The following LTBP1 variants were observed in gnomAD, a reference collection of about 807,000 sequenced individuals.
LTBP1 encodes latent transforming growth factor beta binding protein 1, also known as latent-transforming growth factor beta-binding protein 1.
Under a neutral mutation model 207.6 loss-of-function variants are expected in LTBP1, and 129 were observed. The observed-to-expected ratio is 0.62, with a 90% CI of 0.54 to 0.72. The LOEUF is 0.72. LTBP1 is among the 30% of genes least tolerant of loss of function. The pLI, the probability that LTBP1 is intolerant of heterozygous loss-of-function variation, is 0.00. For synonymous variants in LTBP1, 963 were observed against 833.7 expected, an observed-to-expected ratio of 1.16 and a Z score of -2.67; for missense variants, 2,281 against 2,217.2, an observed-to-expected ratio of 1.03 and a Z score of -0.58.
intron 3 of LTBP1, among the ~76,000 whole-genome samples, chr2:33,023,527 G>A (rs1217680408): frequency 6.6e-6 from 1 of 152,158 alleles, no homozygotes; most frequent in Non-Finnish European, 1.5e-5. Context: ...GAATGAAGAT[G>A]CTTTTTTATG....
intron 5 of LTBP1, among the ~76,000 whole-genome samples, chr2:33,138,242 T>C (rs1025210369): frequency 2.0e-5 from 3 of 152,178 alleles, no homozygotes; most frequent in Non-Finnish European, 4.4e-5. Flanking sequence ...CAGTCTCTGT[T>C]CTTGAGTATT....
At position 33,112,478 on chromosome 2, in the gene LTBP1, A is replaced by G. The variant is rs140810374; in HGVS notation, c.1033+1727A>G. ...AGGAGCTAGTAAAAGAATGTAGACTAATATACATTATCACAGTGGTGGTGT... is the reference window on the plus strand; with the variant it reads ...AGGAGCTAGTAAAAGAATGTAGACTGATATACATTATCACAGTGGTGGTGT... On this transcript the variant is annotated intron_variant, in intron 4 of 33. Transcript: ENST00000404816. Among the ~76,000 whole-genome samples, 6 of 152,338 alleles carry G rather than the reference A, an allele frequency of 3.9e-5. No individual in the cohort carries two copies. The East Asian group carries it at 1.2e-3, about 29-fold the overall frequency.
intron 3 of LTBP1, among the ~76,000 whole-genome samples, chr2:33,045,081 A>G (rs372545842): frequency 5.3e-5 from 8 of 151,870 alleles, no homozygotes; most frequent in Admixed American, 4.6e-4. Flanking sequence ...CACTCTGATG[A>G]TAGTTTCTTT....
At chr2:33,186,783 G>T in intron 5 of LTBP1, 73 bp from the exon 6 acceptor site, 1 of 1,169,572 alleles carries the variant, frequency 8.6e-7, no homozygotes. Flanking sequence ...TGTTTTGCAG[G>T]TTTTGTTGGT....
chr2:33,294,634 A>G (rs2093839527), intron 20 of LTBP1, among the ~76,000 whole-genome samples: 1 of 134,076 alleles, frequency 7.5e-6, no homozygotes, highest in Non-Finnish European at 1.6e-5. Context: ...GCTAGAGTGC[A>G]GTAGTACGAT....
Position 33,257,434 on chromosome 2 carries a change from C to G in LTBP1, c.2318C>G (p.Pro773Arg), listed in dbSNP as rs1382111680. Reference sequence around the variant, plus strand: ...GTTGCTAAAAGTACTCATCCTCCACCTCTCCCAGCCAAGGAAGAGCCAGTG... The same window carrying G: ...GTTGCTAAAAGTACTCATCCTCCACGTCTCCCAGCCAAGGAAGAGCCAGTG... Reference protein sequence around the residue: ...QPVAKSTHPPPLPAKEEPVEA... With the variant: ...QPVAKSTHPPRLPAKEEPVEA... Residue 773 changes from proline to arginine, a missense_variant, in exon 12 of 34, where the codon CCT becomes CGT. By Grantham distance (103) the Pro-to-Arg change is moderately radical. Coordinates refer to ENST00000404816, the MANE Select transcript of LTBP1 (RefSeq NM_206943.4). 1 of 1,614,250 alleles carries G rather than the reference C, an allele frequency of 6.2e-7. No individual in the cohort carries two copies. Among genetic ancestry groups the G allele is most frequent in the East Asian group, 2.2e-5 (1 of 44,888 alleles).
At chr2:33,279,408 G>A (rs1235952205) in intron 18 of LTBP1, among the ~76,000 whole-genome samples, 3 of 152,060 alleles carry the variant, frequency 2.0e-5, no homozygotes, top group African/African-American at 7.2e-5. Context: ...CTATGAATAT[G>A]AAAAGTAAGG....
chr2:33,282,551 G>T lies in LTBP1; in HGVS notation c.3112+2393G>T, dbSNP rs116036649. On this transcript the variant is annotated intron_variant, in intron 19 of 33. Coordinates refer to ENST00000404816, the MANE Select transcript of LTBP1 (RefSeq NM_206943.4). Reference sequence around the variant, plus strand: ...CTACTTACATTGAACCAATGGGTGGGTTGGAATTTTCTGCTAAACTCTGAC... The same window carrying T: ...CTACTTACATTGAACCAATGGGTGGTTTGGAATTTTCTGCTAAACTCTGAC... Among the ~76,000 whole-genome samples, 466 of 152,270 alleles carry T rather than the reference G, an allele frequency of 3.1e-3. 2 individuals are homozygous for T. The highest frequency in any genetic ancestry group is 9.8e-3 in the African/African-American group (407 of 41,552).
intron 4 of LTBP1, among the ~76,000 whole-genome samples, chr2:33,111,504 C>T (rs2080400029): frequency 1.3e-5 from 2 of 152,124 alleles, no homozygotes; most frequent in Admixed American, 1.3e-4. Flanking sequence ...AAAGAGAATG[C>T]CAGTTGTGAG....
At chr2:33,300,137 T>A (rs1471669201) in intron 20 of LTBP1, among the ~76,000 whole-genome samples, 1 of 152,228 alleles carries the variant, frequency 6.6e-6, no homozygotes, top group East Asian at 1.9e-4. Flanking sequence ...GACATTATAT[T>A]GCATCAGGTT....
chr2:33,331,095 C>G lies in LTBP1; in HGVS notation c.3731-11743C>G, dbSNP rs141519150. 4.7e-3 allele frequency among the ~76,000 whole-genome samples: 709 copies of G among 151,700 alleles called. 4 individuals are homozygous for G. Among genetic ancestry groups the G allele is most frequent in the African/African-American group, 0.016 (678 of 41,462 alleles). On this transcript the variant is annotated intron_variant, in intron 24 of 33. Transcript: ENST00000404816. ...CTCTTCTCTGTATATATGTAGTGAT[C>G]TTTTTTAAAATTTCAGTAATTTGTG...
chr2:33,180,152 A>T (rs536023858), intron 5 of LTBP1, among the ~76,000 whole-genome samples: 42 of 152,320 alleles, frequency 2.8e-4, no homozygotes, highest in Admixed American at 5.2e-4. Context: ...GTTCTGGATC[A>T]CCCTAACTCT....
At chr2:33,071,422 C>T (rs2077780668) in intron 3 of LTBP1, among the ~76,000 whole-genome samples, 1 of 152,176 alleles carries the variant, frequency 6.6e-6, no homozygotes, top group African/African-American at 2.4e-5. Flanking sequence ...CTTGATCTGC[C>T]TTATACTCTA....
chr2:33,227,837 G>A lies in LTBP1; in HGVS notation c.1876+5686G>A, dbSNP rs572538865. 4.6e-3 allele frequency among the ~76,000 whole-genome samples: 518 copies of A among 113,148 alleles called. 2 individuals carry two copies. Among genetic ancestry groups the A allele is most frequent in the African/African-American group, 0.017 (490 of 29,148 alleles). 74.2% of individuals were successfully genotyped at this position (113,148 alleles called of 152,430 possible). On this transcript the variant is annotated intron_variant, in intron 9 of 33. Coordinates refer to ENST00000404816, the MANE Select transcript of LTBP1 (RefSeq NM_206943.4). ...TTTTTTTTTTTTTTGACAGAGTCTC[G>A]CTCTGTCGCCAGGCTGGAGTGCAGT...
intron 9 of LTBP1, among the ~76,000 whole-genome samples, chr2:33,234,496 C>G (rs1034321922): frequency 9.2e-5 from 14 of 152,008 alleles, no homozygotes; most frequent in African/African-American, 3.1e-4. Context: ...AATAAAATAC[C>G]TAGGAATACA....
chr2:32,994,511 G>A (rs1684946242), intron 2 of LTBP1, among the ~76,000 whole-genome samples: 1 of 151,510 alleles, frequency 6.6e-6, no homozygotes, highest in Admixed American at 6.6e-5. Flanking sequence ...TTGTTGCCCA[G>A]GCTGGAGTGC....
At chr2:33,078,370 CAACT>C (rs894354461) in intron 3 of LTBP1, among the ~76,000 whole-genome samples, 33 of 152,272 alleles carry the variant, frequency 2.2e-4, no homozygotes, top group African/African-American at 7.7e-4. Context: ...CAGTGCCAAC[CAACT>C]ATGAATTTTG....
intron 32 of LTBP1, among the ~76,000 whole-genome samples, chr2:33,389,518 G>A (rs191089342): frequency 3.3e-5 from 5 of 151,728 alleles, no homozygotes; most frequent in African/African-American, 9.7e-5. Flanking sequence ...TGCATCATTC[G>A]TGAGCCGAGA....
intron 2 of LTBP1, among the ~76,000 whole-genome samples, chr2:32,952,605 C>A (rs916274048): frequency 6.6e-6 from 1 of 152,106 alleles, no homozygotes; most frequent in African/African-American, 2.4e-5. Flanking sequence ...GCATTAAACC[C>A]CTGATGTGTA....
Sources: gnomAD v4.1 joint callset for allele counts (sites outside exome capture counted in the v4.1 genomes callset) on GRCh38, gnomAD v4.1.1 for gene constraint, MANE v1.5 for transcripts, NCBI Gene and HGNC (gene_info 2026-07-23, HGNC 2026-07-21) for gene names.